The following DLG2 variants were observed in gnomAD, a reference collection of about 807,000 sequenced individuals.
The protein encoded by DLG2 is discs large MAGUK scaffold protein 2.
DLG2 carries 45 observed loss-of-function variants against 132.5 expected under a neutral mutation model. The ratio of observed to expected loss-of-function variants is 0.34; its 90% confidence interval spans 0.27 to 0.44. The LOEUF (loss-of-function observed/expected upper bound fraction) is 0.44, where lower values mean the gene tolerates loss of function less well. Among genes scored for constraint, DLG2 ranks in the 20% least tolerant of loss-of-function variants. DLG2 has a pLI of 1.00. For missense variants in DLG2, 1,045 were observed against 1,196.9 expected (o/e 0.87, Z 1.87); for synonymous variants, 424 against 419.6 (o/e 1.01, Z -0.13).
At chr11:83,910,799 A>G (rs910225982) in intron 15 of DLG2, among the ~76,000 whole-genome samples, 1 of 152,130 alleles carries the variant, frequency 6.6e-6, no homozygotes, top group Non-Finnish European at 1.5e-5. Flanking sequence ...TCATGCCCCG[A>G]CAGCTATCAT....
At chr11:83,838,286 T>A (rs2056753262) in intron 16 of DLG2, among the ~76,000 whole-genome samples, 1 of 152,200 alleles carries the variant, frequency 6.6e-6, no homozygotes, top group Non-Finnish European at 1.5e-5. Flanking sequence ...AGGTGACAAG[T>A]ACACGGATGT....
intron 3 of DLG2, among the ~76,000 whole-genome samples, chr11:85,528,368 T>A (rs58478739): frequency 1.3e-5 from 2 of 152,246 alleles, no homozygotes; most frequent in African/African-American, 4.8e-5. Context: ...TTGTATAAGG[T>A]GTAAGGAAGG....
intron 18 of DLG2, among the ~76,000 whole-genome samples, chr11:83,668,867 A>ATAT (rs768513119): frequency 0.034 from 3,739 of 110,358 alleles, 425 homozygotes; most frequent in African/African-American, 0.12. Context: ...ATATATATAT[A>ATAT]TTTTTTTTTT....
At chr11:83,881,307 C>A (rs1267226037) in intron 15 of DLG2, among the ~76,000 whole-genome samples, 2 of 152,108 alleles carry the variant, frequency 1.3e-5, no homozygotes, top group Non-Finnish European at 2.9e-5. Flanking sequence ...GATTAAAAAT[C>A]AAATCTATCA....
chr11:84,101,812 C>T lies in DLG2; in HGVS notation c.625-2765G>A, dbSNP rs1318404316. ...TGATTAATGAGAGTAGGGAAGGAGG[C>T]AAGCAGAGATTGGGAGATACCCAAA... On this transcript the variant is annotated intron_variant, in intron 9 of 27. Coordinates refer to ENST00000376104, the MANE Select transcript of DLG2 (RefSeq NM_001142699.3). Among the ~76,000 whole-genome samples, 4 of 152,062 alleles carry T rather than the reference C, an allele frequency of 2.6e-5. No individual in the cohort carries two copies. The East Asian group carries it at 7.7e-4, about 29-fold the overall frequency.
intron 8 of DLG2, among the ~76,000 whole-genome samples, chr11:84,181,559 T>A (rs1475353070): frequency 6.6e-6 from 1 of 151,968 alleles, no homozygotes; most frequent in Admixed American, 6.6e-5. Flanking sequence ...TATAAATACA[T>A]CAATTCAAGA....
chr11:85,162,825 T>C (rs750667628), intron 4 of DLG2, among the ~76,000 whole-genome samples: 1 of 152,186 alleles, frequency 6.6e-6, no homozygotes, highest in South Asian at 2.1e-4. Context: ...GGACTTGTGA[T>C]GGTTAATACT....
intron 11 of DLG2, among the ~76,000 whole-genome samples, chr11:84,041,951 C>G (rs920721178): frequency 6.6e-6 from 1 of 151,902 alleles, no homozygotes; most frequent in Non-Finnish European, 1.5e-5. Context: ...TGTACAAGCT[C>G]TCTTCTCTTG....
intron 2 of DLG2, among the ~76,000 whole-genome samples, chr11:85,601,086 A>T (rs2080121613): frequency 6.6e-6 from 1 of 152,228 alleles, no homozygotes; most frequent in Non-Finnish European, 1.5e-5. Context: ...ATAACTCAAG[A>T]GCAGAGATGG....
At chr11:83,798,804 G>A (rs1453618665) in intron 17 of DLG2, among the ~76,000 whole-genome samples, 1 of 152,092 alleles carries the variant, frequency 6.6e-6, no homozygotes, top group African/African-American at 2.4e-5. Flanking sequence ...CATGTAGAAG[G>A]CTCCCGTTCT....
At chr11:84,969,511 G>T (rs1432205595) in intron 6 of DLG2, among the ~76,000 whole-genome samples, 1 of 152,150 alleles carries the variant, frequency 6.6e-6, no homozygotes, top group East Asian at 1.9e-4. Flanking sequence ...AATGATAAAA[G>T]CTTCCAATCT....
At chr11:84,026,560 G>C (rs1329520474) in intron 11 of DLG2, among the ~76,000 whole-genome samples, 1 of 151,930 alleles carries the variant, frequency 6.6e-6, no homozygotes, top group Admixed American at 6.6e-5. Flanking sequence ...AATAAGTACT[G>C]TAAAGACACA....
At chr11:85,252,995 T>G (rs1033115923) in intron 4 of DLG2, among the ~76,000 whole-genome samples, 17 of 152,320 alleles carry the variant, frequency 1.1e-4, no homozygotes, top group Admixed American at 6.5e-4. Flanking sequence ...CTAAACCTAT[T>G]GTTAAAATCC....
intron 7 of DLG2, among the ~76,000 whole-genome samples, chr11:84,459,184 C>T (rs1040617357): frequency 8.0e-5 from 12 of 150,482 alleles, no homozygotes; most frequent in East Asian, 3.9e-4. Context: ...CTCTTTGATT[C>T]GCATTTCTTC....
chr11:85,063,116 G>A (rs901014546), intron 6 of DLG2, among the ~76,000 whole-genome samples: 1 of 151,858 alleles, frequency 6.6e-6, no homozygotes, highest in Non-Finnish European at 1.5e-5. Context: ...CAGGGTCAAA[G>A]CGCTCATTCT....
chr11:84,937,788 A>G (rs964658490), intron 6 of DLG2, among the ~76,000 whole-genome samples: 41 of 152,180 alleles, frequency 2.7e-4, no homozygotes, highest in African/African-American at 9.9e-4. Flanking sequence ...ATCAACAGAA[A>G]GTGGGGTTAG....
intron 6 of DLG2, among the ~76,000 whole-genome samples, chr11:85,074,424 C>T (rs553459692): frequency 7.9e-5 from 12 of 151,920 alleles, no homozygotes; most frequent in African/African-American, 2.4e-4. Flanking sequence ...ATATAATGAG[C>T]AGGGAGGAAA....
chr11:84,273,517 C>A (rs952260327), intron 7 of DLG2, among the ~76,000 whole-genome samples: 2 of 152,068 alleles, frequency 1.3e-5, no homozygotes, highest in Admixed American at 1.3e-4. Flanking sequence ...CCCATCAGTG[C>A]TCTCCTGTCT....
At chr11:85,267,499 C>A (rs1280090101) in intron 4 of DLG2, among the ~76,000 whole-genome samples, 3 of 152,074 alleles carry the variant, frequency 2.0e-5, no homozygotes, top group Non-Finnish European at 4.4e-5. Context: ...TCTATACCCC[C>A]CACAAAAAAC....
Sources: gnomAD v4.1 joint callset for allele counts (sites outside exome capture counted in the v4.1 genomes callset) on GRCh38, gnomAD v4.1.1 for gene constraint, MANE v1.5 for transcripts, NCBI Gene and HGNC (gene_info 2026-07-23, HGNC 2026-07-21) for gene names.